The following RIMS2 variants were observed in gnomAD, a reference collection of about 807,000 sequenced individuals.
RIMS2 encodes the protein regulating synaptic membrane exocytosis 2.
In RIMS2, 59 loss-of-function variants were observed where a neutral mutation model predicts 174.4. The observed-to-expected ratio is 0.34, with a 90% CI of 0.27 to 0.42. RIMS2 has a LOEUF of 0.42. RIMS2 is among the 10% of genes least tolerant of loss of function. The pLI, the probability that RIMS2 is intolerant of heterozygous loss-of-function variation, is 1.00. For synonymous variants in RIMS2, 606 were observed against 572.5 expected (o/e 1.06, Z -0.84); for missense variants, 1,620 against 1,666.3 (o/e 0.97, Z 0.48).
At chr8:103,681,713 T>C (rs1211418195) in intron 1 of RIMS2, among the ~76,000 whole-genome samples, 2 of 152,110 alleles carry the variant, frequency 1.3e-5, no homozygotes, top group Non-Finnish European at 2.9e-5. Flanking sequence ...CAAGGTTTTA[T>C]AGGTCCTCAT....
intron 1 of RIMS2, among the ~76,000 whole-genome samples, chr8:103,589,040 G>A (rs2094120008): frequency 1.3e-5 from 2 of 151,540 alleles, no homozygotes; most frequent in Admixed American, 1.3e-4. Flanking sequence ...CATAGTACTG[G>A]AGGTCCTACC....
chr8:103,630,145 C>CA (rs56238550), intron 1 of RIMS2, among the ~76,000 whole-genome samples: 183 of 122,428 alleles, frequency 1.5e-3, no homozygotes, highest in East Asian at 3.9e-3. Context: ...AAACTGAAGA[C>CA]AAAAAAAAAA....
intron 2 of RIMS2, among the ~76,000 whole-genome samples, chr8:103,745,517 T>C (rs1194321805): frequency 6.6e-6 from 1 of 152,248 alleles, no homozygotes; most frequent in African/African-American, 2.4e-5. Context: ...GATAATTCTA[T>C]GTTTAAGTTT....
At chr8:104,041,388 T>A (rs1373525882) in intron 19 of RIMS2, 30 bp downstream of exon 22, 9 of 684,504 alleles carry the variant, frequency 1.3e-5, no homozygotes, top group Non-Finnish European at 1.3e-5. Flanking sequence ...TTTGTTATTA[T>A]TTTATTTATC....
chr8:103,680,198 T>C (rs1424340801), intron 1 of RIMS2, among the ~76,000 whole-genome samples: 1 of 151,982 alleles, frequency 6.6e-6, no homozygotes, highest in Non-Finnish European at 1.5e-5. Context: ...ACCATTGAAA[T>C]AGAATGCAGA....
chr8:103,602,178 G>C (rs936504995), intron 1 of RIMS2, among the ~76,000 whole-genome samples: 1 of 152,012 alleles, frequency 6.6e-6, no homozygotes, highest in African/African-American at 2.4e-5. Flanking sequence ...TAGTAGAGAC[G>C]GGGTTTCACC....
chr8:103,704,171 A>G (rs903694944), intron 2 of RIMS2, among the ~76,000 whole-genome samples: 17 of 148,474 alleles, frequency 1.1e-4, no homozygotes, highest in African/African-American at 4.2e-4. Flanking sequence ...TATATCTAGT[A>G]TGTTCAGATT....
rs1423330031 is a variant in RIMS2 at position 104,214,968 on chromosome 8, C to T, written c.3335-29948C>T. Among the ~76,000 whole-genome samples the T allele has an allele frequency of 3.9e-5, 6 of 152,070 alleles. 1 individual carries two copies. The highest frequency in any genetic ancestry group is 1.3e-4 in the Admixed American group (2 of 15,254). On this transcript the variant is annotated intron_variant, in intron 19 of 23. Coordinates refer to ENST00000504942, the Ensembl canonical transcript of RIMS2. ...TTCCGTGGGCTCTTTTTTTCCAATA[C>T]GCTATTTAAAATCTTGCAATTTGTA...
chr8:103,952,383 C>G (rs1394048750), intron 14 of RIMS2, among the ~76,000 whole-genome samples: 1 of 152,140 alleles, frequency 6.6e-6, no homozygotes, highest in Non-Finnish European at 1.5e-5. Flanking sequence ...CTGGTGGGTG[C>G]CCCTCTGGGA....
intron 19 of RIMS2, among the ~76,000 whole-genome samples, chr8:104,054,731 C>T (rs2154559301): frequency 6.6e-6 from 1 of 152,170 alleles, no homozygotes; most frequent in African/African-American, 2.4e-5. Flanking sequence ...AATTTATAAT[C>T]AGAATTTATT....
chr8:103,597,095 A>G (rs1248340097), intron 1 of RIMS2, among the ~76,000 whole-genome samples: 2 of 152,200 alleles, frequency 1.3e-5, no homozygotes, highest in Non-Finnish European at 2.9e-5. Context: ...TGGAAAATTA[A>G]CAAACAGATT....
At chr8:103,929,190 CA>C (rs2079385360) in intron 11 of RIMS2, among the ~76,000 whole-genome samples, 1 of 151,286 alleles carries the variant, frequency 6.6e-6, no homozygotes, top group African/African-American at 2.4e-5. Flanking sequence ...AATATTATAC[CA>C]AAAATATGAA....
intron 2 of RIMS2, among the ~76,000 whole-genome samples, chr8:103,737,274 C>A (rs1388870440): frequency 6.7e-6 from 1 of 150,372 alleles, no homozygotes; most frequent in East Asian, 2.0e-4. Context: ...TCCTCCGCCT[C>A]CCAGGTTCAA....
intron 3 of RIMS2, among the ~76,000 whole-genome samples, chr8:103,770,094 G>T (rs1412095161): frequency 6.6e-6 from 1 of 152,138 alleles, no homozygotes; most frequent in East Asian, 1.9e-4. Flanking sequence ...TGAGTCCTTT[G>T]AATTTCTTCC....
At chr8:103,670,708 G>A (rs571988184) in intron 1 of RIMS2, among the ~76,000 whole-genome samples, 7 of 152,260 alleles carry the variant, frequency 4.6e-5, no homozygotes, top group African/African-American at 1.7e-4. Flanking sequence ...TTCCCAACAA[G>A]TTACTTATCT....
chr8:103,515,917 C>T (rs7001794), intron 1 of RIMS2, among the ~76,000 whole-genome samples: 27,665 of 151,932 alleles, frequency 0.18, 2,763 homozygotes, highest in African/African-American at 0.26. Flanking sequence ...TGTTTGCTGA[C>T]TATAGATTCA....
chr8:103,607,407 C>T lies in RIMS2; in HGVS notation c.177-89679C>T, dbSNP rs867027943. On this transcript the variant is annotated intron_variant, in intron 1 of 23. Transcript: ENST00000504942. Reference sequence around the variant, plus strand: ...GATGGGCTTCCCTTTGAGGGTAACCCGACCTTTCTCTCTGGCTGCCCTTAA... The same window carrying T: ...GATGGGCTTCCCTTTGAGGGTAACCTGACCTTTCTCTCTGGCTGCCCTTAA... 1.7e-3 allele frequency among the ~76,000 whole-genome samples: 260 copies of T among 151,858 alleles called. 1 individual carries two copies. The highest frequency in any genetic ancestry group is 3.4e-3 in the Admixed American group (52 of 15,264).
intron 3 of RIMS2, among the ~76,000 whole-genome samples, chr8:103,877,283 A>G (rs2099145991): frequency 1.3e-5 from 2 of 151,694 alleles, no homozygotes; most frequent in African/African-American, 4.8e-5. Flanking sequence ...TTTGATTTGC[A>G]TTTCCCTGAT....
At chr8:103,874,716 T>G (rs1401452572) in intron 3 of RIMS2, among the ~76,000 whole-genome samples, 1 of 152,122 alleles carries the variant, frequency 6.6e-6, no homozygotes, top group Non-Finnish European at 1.5e-5. Flanking sequence ...AAGAAAATTC[T>G]AACTGTGTTG....
Sources: allele counts gnomAD v4.1 joint callset (sites outside exome capture counted in the v4.1 genomes callset), GRCh38; gene constraint gnomAD v4.1.1; transcripts MANE v1.5; gene names NCBI Gene and HGNC (gene_info 2026-07-23, HGNC 2026-07-21).